ZMIZ1: variants seen among roughly 807,000 people sequenced by gnomAD.
ZMIZ1 encodes the protein zinc finger MIZ-type containing 1.
ZMIZ1 carries 17 observed loss-of-function variants against 113.9 expected under a neutral mutation model. That is an observed-to-expected ratio of 0.15 (90% CI 0.10 to 0.22). The LOEUF (loss-of-function observed/expected upper bound fraction) is 0.22. Among genes scored for constraint, ZMIZ1 ranks in the 10% least tolerant of loss-of-function variants. The pLI is 1.00. For missense variants in ZMIZ1, 1,059 were observed against 1,477.8 expected (o/e 0.72, Z 4.65); for synonymous variants, 607 against 603.1 (o/e 1.01, Z -0.09).
chr10:79,199,835 C>T (rs1312079045), intron 4 of ZMIZ1, among the ~76,000 whole-genome samples: 1 of 151,986 alleles, frequency 6.6e-6, no homozygotes, highest in Non-Finnish European at 1.5e-5. Flanking sequence ...ATGAGAATTG[C>T]ACCAAGAGCT....
At position 79,157,273 on chromosome 10, in the gene ZMIZ1, G is replaced by A. The variant is rs370604311; in HGVS notation, c.-130-4780G>A. ...GAGGATGGAGTGATGGAGTGGGGCAGTGAGAGCTACCAGGGTTATTGAGGA... is the reference window on the plus strand; with the variant it reads ...GAGGATGGAGTGATGGAGTGGGGCAATGAGAGCTACCAGGGTTATTGAGGA... On this transcript the variant is annotated intron_variant, in intron 3 of 24. Transcript: ENST00000334512. 5.9e-5 allele frequency among the ~76,000 whole-genome samples: 9 copies of A among 152,294 alleles called. No individual in the cohort carries two copies. The East Asian group carries it at 9.6e-4, about 16-fold the overall frequency.
intron 4 of ZMIZ1, among the ~76,000 whole-genome samples, chr10:79,181,220 G>A (rs940717455): frequency 1.3e-5 from 2 of 152,128 alleles, no homozygotes; most frequent in Non-Finnish European, 2.9e-5. Context: ...AGTGGGAAGG[G>A]GCCTGGGAGG....
intron 4 of ZMIZ1, among the ~76,000 whole-genome samples, chr10:79,200,795 G>C (rs1156350925): frequency 7.6e-6 from 1 of 132,264 alleles, no homozygotes; most frequent in Non-Finnish European, 1.7e-5. Context: ...CTGAGGGACT[G>C]GGGGAGGGCA....
intron 4 of ZMIZ1, among the ~76,000 whole-genome samples, chr10:79,182,123 T>C (rs1381977558): frequency 6.6e-6 from 1 of 152,180 alleles, no homozygotes; most frequent in Non-Finnish European, 1.5e-5. Context: ...TGTGTGTGTA[T>C]GTGCACATGC....
At chr10:79,253,726 G>T (rs1850696901) in intron 7 of ZMIZ1, among the ~76,000 whole-genome samples, 1 of 152,198 alleles carries the variant, frequency 6.6e-6, no homozygotes, top group African/African-American at 2.4e-5. Flanking sequence ...GGATCCAGAC[G>T]CAGGAGGCTC....
chr10:79,152,514 A>G (rs1845751635), intron 3 of ZMIZ1, among the ~76,000 whole-genome samples: 1 of 152,198 alleles, frequency 6.6e-6, no homozygotes, highest in Admixed American at 6.5e-5. Context: ...AAAGAAAAGA[A>G]AGAAAAAAGA....
At chr10:79,208,519 G>T in intron 6 of ZMIZ1, 70 bp downstream of exon 6, 1 of 1,341,514 alleles carries the variant, frequency 7.5e-7, no homozygotes, top group Admixed American at 1.9e-5. Context: ...TGCCTGTCCA[G>T]GTTTCAGAGA....
intron 4 of ZMIZ1, among the ~76,000 whole-genome samples, chr10:79,168,825 C>T (rs1413772100): frequency 6.6e-6 from 1 of 152,182 alleles, no homozygotes; most frequent in Non-Finnish European, 1.5e-5. Flanking sequence ...AGGTGTCCGT[C>T]CACCCTGGCT....
chr10:79,170,682 T>C (rs703990), intron 4 of ZMIZ1, among the ~76,000 whole-genome samples: 122,708 of 152,158 alleles, frequency 0.81, 49,973 homozygotes, highest in African/African-American at 0.89. Flanking sequence ...TAATAGTTAA[T>C]ACACATGAAA....
intron 1 of ZMIZ1, among the ~76,000 whole-genome samples, chr10:79,100,276 C>T (rs1024233440): frequency 3.9e-5 from 6 of 151,954 alleles, no homozygotes; most frequent in Non-Finnish European, 8.8e-5. Context: ...CTTTGTGCTT[C>T]AGCCCAAAGG....
At chr10:79,198,278 C>T (rs763991198) in intron 4 of ZMIZ1, among the ~76,000 whole-genome samples, 1 of 151,860 alleles carries the variant, frequency 6.6e-6, no homozygotes, top group Non-Finnish European at 1.5e-5. Flanking sequence ...AACAAAAAAG[C>T]ATTTCTTGGA....
chr10:79,165,961 T>TGCGCGCGCGCGTGCGCGCGCGC (rs1564692690), intron 4 of ZMIZ1, among the ~76,000 whole-genome samples: 1 of 20,142 alleles, frequency 5.0e-5, no homozygotes, highest in African/African-American at 1.4e-4. Flanking sequence ...TGTGTGTGTG[T>TGCGCGCGCGCGTGCGCGCGCGC]GTGTGTGTGT....
chr10:79,074,292 G>A (rs1317717344), intron 1 of ZMIZ1, among the ~76,000 whole-genome samples: 1 of 152,196 alleles, frequency 6.6e-6, no homozygotes, highest in Non-Finnish European at 1.5e-5. Flanking sequence ...GCCAGGCTCG[G>A]ACACGGTGCA....
At chr10:79,305,732 C>G in intron 21 of ZMIZ1, 131 bp downstream of exon 21, 2 of 921,796 alleles carry the variant, frequency 2.2e-6, no homozygotes, top group East Asian at 5.1e-5. Context: ...ACATCCCCCA[C>G]CTCTCTGTCC....
chr10:79,069,676 C>A lies in ZMIZ1; in HGVS notation c.-337+406C>A, dbSNP rs997687691. Reference sequence around the variant, plus strand: ...AGGACCGCCTCGGTCTCCTTCGCCTCCTCTGGGGAGATGCGAAGTTGTGCG... The same window carrying A: ...AGGACCGCCTCGGTCTCCTTCGCCTACTCTGGGGAGATGCGAAGTTGTGCG... On this transcript the variant is annotated intron_variant, in intron 1 of 24. Coordinates refer to ENST00000334512, the MANE Select transcript of ZMIZ1 (RefSeq NM_020338.4). The surrounding 1 kb of genome is among the most constrained non-coding windows in gnomAD (Gnocchi z 4.6). Among the ~76,000 whole-genome samples, 1 of 152,160 alleles carries A rather than the reference C, an allele frequency of 6.6e-6. No homozygotes were observed. Among genetic ancestry groups the A allele is most frequent in the Non-Finnish European group, 1.5e-5 (1 of 68,008 alleles).
chr10:79,150,473 T>A (rs1485195108), intron 3 of ZMIZ1, among the ~76,000 whole-genome samples: 1 of 152,212 alleles, frequency 6.6e-6, no homozygotes, highest in Non-Finnish European at 1.5e-5. Flanking sequence ...AGACAAAGCC[T>A]GTGACCCTTG....
chr10:79,157,798 C>A (rs1845961521), intron 3 of ZMIZ1, among the ~76,000 whole-genome samples: 1 of 152,136 alleles, frequency 6.6e-6, no homozygotes, highest in African/African-American at 2.4e-5. Flanking sequence ...CTCCTGGAGC[C>A]AGCACTGGCC....
chr10:79,260,406 T>G (rs909983917), intron 7 of ZMIZ1, among the ~76,000 whole-genome samples: 1 of 151,948 alleles, frequency 6.6e-6, no homozygotes, highest in Non-Finnish European at 1.5e-5. Context: ...TCATAAACGG[T>G]CAGGTCAGGG....
At chr10:79,300,323 T>G (rs951999635) in intron 16 of ZMIZ1, among the ~76,000 whole-genome samples, 5 of 152,220 alleles carry the variant, frequency 3.3e-5, no homozygotes, top group African/African-American at 9.6e-5. Context: ...GAACCAGAAA[T>G]GGCCGTGGCC....
Sources: allele counts gnomAD v4.1 joint callset (sites outside exome capture counted in the v4.1 genomes callset), GRCh38; gene constraint gnomAD v4.1.1; non-coding constraint Gnocchi (gnomAD v3.1); transcripts MANE v1.5; gene names NCBI Gene and HGNC (gene_info 2026-07-23, HGNC 2026-07-21).